GUCD1: variants seen among roughly 807,000 people sequenced by gnomAD.
The protein encoded by GUCD1 is guanylyl cyclase domain containing 1, also known as protein GUCD1.
In GUCD1, 17 loss-of-function variants were observed where a neutral mutation model predicts 28.3. The ratio of observed to expected loss-of-function variants is 0.60; its 90% CI spans 0.41 to 0.90. The LOEUF (loss-of-function observed/expected upper bound fraction) is 0.90, where lower values mean the gene tolerates loss of function less well. Among genes scored for constraint, GUCD1 ranks in the 40% least tolerant of loss-of-function variants. The pLI, the probability that GUCD1 is intolerant of heterozygous loss-of-function variation, is 0.00. For missense variants in GUCD1, 279 were observed against 305.5 expected, an observed-to-expected ratio of 0.91 and a Z score of 0.65; for synonymous variants, 129 against 123.3, an observed-to-expected ratio of 1.05 and a Z score of -0.30.
At chr22:24,548,120 C>A in intron 2 of GUCD1, 47 bp from the exon 3 acceptor site, 1 of 1,552,542 alleles carries the variant, frequency 6.4e-7, no homozygotes, top group East Asian at 2.3e-5. Flanking sequence ...TGAGGGTCAA[C>A]TGGTCTGAGT....
intron 3 of GUCD1, 68 bp downstream of exon 3, chr22:24,547,838 CTA>C: frequency 6.5e-7 from 1 of 1,535,410 alleles, no homozygotes; most frequent in Non-Finnish European, 8.9e-7. Flanking sequence ...CCTCTTCCAA[CTA>C]CTGGAACCAG....
chr22:24,545,610 C>CT (rs568025114), intron 4 of GUCD1, among the ~76,000 whole-genome samples: 20,730 of 147,890 alleles, frequency 0.14, 1,465 homozygotes, highest in South Asian at 0.24. Context: ...CCACTATATT[C>CT]TTTTTTTTTT....
rs188013898 is a variant in GUCD1 at position 24,553,496 on chromosome 22, G to C, written c.43+1453C>G. Among the ~76,000 whole-genome samples the C allele has an allele frequency of 2.3e-3, 349 of 152,290 alleles. 1 individual carries two copies. Among genetic ancestry groups the C allele is most frequent in the African/African-American group, 7.9e-3 (328 of 41,550 alleles). ...ACTTAGATATGCTTGGGGAATGGAA[G>C]GCGTTTTCCAAAAAGACCTCATACC... On this transcript the variant is annotated intron_variant, in intron 1 of 5. Transcript: ENST00000435822.
chr22:24,544,321 A>G, intron 4 of GUCD1, among the ~76,000 whole-genome samples: 1 of 151,906 alleles, frequency 6.6e-6, no homozygotes, highest in Admixed American at 6.6e-5. Flanking sequence ...TGGCTCTGTC[A>G]GGCCCTTCAC....
chr22:24,546,466 C>T (rs74718124), intron 4 of GUCD1, among the ~76,000 whole-genome samples: 3,338 of 152,246 alleles, frequency 0.022, 52 homozygotes, highest in Non-Finnish European at 0.034. Context: ...GAATCCAGCC[C>T]CAATGCATAC....
chr22:24,545,048 G>C (rs973731975), intron 4 of GUCD1, among the ~76,000 whole-genome samples: 3 of 150,136 alleles, frequency 2.0e-5, no homozygotes, highest in African/African-American at 7.5e-5. Flanking sequence ...GAAAAGAAAA[G>C]AAAACACCCA....
At chr22:24,547,495 A>G (rs1334091552) in intron 3 of GUCD1, 3 of 204,042 alleles carry the variant, frequency 1.5e-5, no homozygotes, top group African/African-American at 2.3e-5. Context: ...TAGACTACCA[A>G]TTATATAGCT....
In GUCD1 at chr22:24,548,046, C is replaced by T; in HGVS notation, c.156G>A (p.Glu52=). The change falls in exon 3 of 6, where the codon GAG becomes GAA. Residue 52 remains glutamate (E), a synonymous_variant. Transcript: ENST00000435822. The stretch of plus-strand genomic sequence containing the variant: ...GCAGCTTCTGCAGGGCTCTCTCAAA[C>T]TCACTGTCGTCCAGCTGGCCCAGGT... The part of the protein sequence containing the change: ...LRYLGQLDDS[E]FERALQKLQL... 1 of 1,614,114 alleles carries T rather than the reference C, an allele frequency of 6.2e-7. No individual in the cohort carries two copies. The highest frequency in any genetic ancestry group is 8.5e-7 in the Non-Finnish European group (1 of 1,180,014).
Position 24,543,016 on chromosome 22 carries a change from A to C in GUCD1, c.710T>G (p.Leu237Trp). 1 of 1,612,808 alleles carries C rather than the reference A, an allele frequency of 6.2e-7. No individual in the cohort carries two copies. The highest frequency in any genetic ancestry group is 8.5e-7 in the Non-Finnish European group (1 of 1,178,834). Reference protein sequence around the residue: ...GTDEDILFVYLDS With the variant: ...GTDEDILFVYWDS ...ACCAGGCTCCTGCTGTCAGCTGTCC[A>C]AGTAGACAAAGAGGATGTCCTCATC... Residue 237 changes from leucine (L) to tryptophan (W), a missense_variant, in exon 6 of 6, where the codon TTG becomes TGG. Physicochemically the swap from Leu to Trp is moderately conservative, Grantham distance 61. Transcript: ENST00000435822.
upstream of GUCD1, chr22:24,555,168 C>A: frequency 7.7e-7 from 1 of 1,296,902 alleles, no homozygotes; most frequent in South Asian, 2.3e-5. Flanking sequence ...CCCAGCCCTT[C>A]CAGGTCTCGA....
rs909054024 is a variant in GUCD1, at chr22:24,540,637, A to G, written c.*2369T>C. Reference sequence around the variant, plus strand: ...CTGTCGGTGTCATGTGCTGTGGGCAAAAGTCCCTGATGTCCAGGCTCTCTG... The same window carrying G: ...CTGTCGGTGTCATGTGCTGTGGGCAGAAGTCCCTGATGTCCAGGCTCTCTG... On this transcript the variant is annotated 3_prime_UTR_variant, in exon 6 of 6. Transcript: ENST00000435822. 4 of 152,236 alleles carry G rather than the reference A, an allele frequency of 2.6e-5. No homozygotes were observed. The highest frequency in any genetic ancestry group is 5.9e-5 in the Non-Finnish European group (4 of 68,074). 9.4% of individuals were successfully genotyped at this position (152,236 alleles called of 1,614,324 possible).
At position 24,540,812 on chromosome 22, in the gene GUCD1, G is replaced by T; in HGVS notation, c.*2194C>A. 1 of 155,632 alleles carries T rather than the reference G, an allele frequency of 6.4e-6. No homozygotes were observed. 9.6% of individuals were successfully genotyped at this position (155,632 alleles called of 1,614,324 possible). ...ACCTTTAACTTGTGGCATGCCCTGA[G>T]AAGCCATCCTCTGGGACCAGAGACT... On this transcript the variant is annotated 3_prime_UTR_variant, in exon 6 of 6. Coordinates refer to ENST00000435822, the MANE Select transcript of GUCD1 (RefSeq NM_001284254.2).
chr22:24,544,188 G>C, intron 4 of GUCD1, 105 bp from the exon 5 acceptor site: 2 of 1,487,694 alleles, frequency 1.3e-6, no homozygotes, highest in Non-Finnish European at 1.8e-6. Context: ...CTTGGGGATC[G>C]GCTCCTTTTC....
chr22:24,554,759 G>T (rs905298440), intron 1 of GUCD1, among the ~76,000 whole-genome samples, 190 bp downstream of exon 1: 1 of 152,200 alleles, frequency 6.6e-6, no homozygotes, highest in South Asian at 2.1e-4. Flanking sequence ...CCTGCTACCC[G>T]GACCTTCCCA....
upstream of GUCD1, chr22:24,555,245 T>C (rs892040861): frequency 7.6e-7 from 1 of 1,320,960 alleles, no homozygotes; most frequent in East Asian, 3.0e-5. Context: ...CCCAGCCTCT[T>C]GATTTAAGTC....
In GUCD1 at chr22:24,546,952, A is replaced by G. The variant is rs781186272; in HGVS notation, c.348T>C (p.Phe116=). The G allele has an allele frequency of 1.9e-6, 3 of 1,614,134 alleles. No individual in the cohort carries two copies. The South Asian group carries it at 3.3e-5, about 18-fold the overall frequency. The change falls in exon 4 of 6, where the codon TTT becomes TTC. Residue 116 remains phenylalanine (F), a synonymous_variant. Coordinates refer to ENST00000435822, the MANE Select transcript of GUCD1 (RefSeq NM_001284254.2). ...DTEETRVNQL[F]AQAKACKVLV... is the part of the protein sequence containing the mutation. The stretch of plus-strand genomic sequence containing the variant: ...GCACCTTGCAGGCCTTTGCTTGTGC[A>G]AACAGCTGATTCACCCGGGTCTCTT...
At chr22:24,555,758 G>C (rs1233018465), upstream of GUCD1, 4 of 1,550,468 alleles carry the variant, frequency 2.6e-6, no homozygotes, top group Admixed American at 7.8e-5. Flanking sequence ...GTGCTTGGAA[G>C]TGTGAGCACC....
chr22:24,543,206 G>A (rs1336058076), intron 5 of GUCD1, 109 bp from the exon 6 acceptor site: 5 of 780,414 alleles, frequency 6.4e-6, no homozygotes, highest in African/African-American at 1.7e-5. Flanking sequence ...CCATCCACAT[G>A]GCCATTCCTC....
At chr22:24,550,765 CT>C (rs2044851270) in intron 1 of GUCD1, among the ~76,000 whole-genome samples, 1 of 151,734 alleles carries the variant, frequency 6.6e-6, no homozygotes, top group South Asian at 2.1e-4. Context: ...CTTCCTATGT[CT>C]GACCTTCCCC....
Sources: gnomAD v4.1 joint callset for allele counts (sites outside exome capture counted in the v4.1 genomes callset) on GRCh38, gnomAD v4.1.1 for gene constraint, MANE v1.5 for transcripts, NCBI Gene and HGNC (gene_info 2026-07-23, HGNC 2026-07-21) for gene names.